Variants in SNTB2 observed in about 807,000 individuals in gnomAD.
SNTB2 encodes syntrophin beta 2.
Under a neutral mutation model 46.2 loss-of-function variants are expected in SNTB2, and 34 were observed. The observed-to-expected ratio is 0.74, with a 90% CI of 0.56 to 0.98. The LOEUF is 0.98. Ranked by LOEUF, SNTB2 falls within the 50% of genes least tolerant of loss-of-function variation. SNTB2 has a pLI of 0.00. For missense variants in SNTB2, 603 were observed against 731.4 expected (o/e 0.82, Z 2.02); for synonymous variants, 290 against 312.6 (o/e 0.93, Z 0.76).
chr16:69,255,031 C>T lies in SNTB2; in HGVS notation c.795-5019C>T, dbSNP rs62055853. ...TTGCATTCAATTAAATCTCACCAGG[C>T]CATTTCTGTCTTTATTGTAATTCAT... On this transcript the variant is annotated intron_variant, in intron 2 of 6. Transcript: ENST00000336278. Among the ~76,000 whole-genome samples, 318 of 152,108 alleles carry T rather than the reference C, an allele frequency of 2.1e-3. 2 individuals are homozygous for T. The highest frequency in any genetic ancestry group is 0.01 in the Middle Eastern group (3 of 294).
chr16:69,230,670 T>C (rs1964498164), intron 1 of SNTB2, among the ~76,000 whole-genome samples: 1 of 151,434 alleles, frequency 6.6e-6, no homozygotes, highest in Admixed American at 6.6e-5. Flanking sequence ...CGGGTTCATT[T>C]TTTCAAAAAG....
At chr16:69,239,894 G>T (rs1473832801) in intron 1 of SNTB2, among the ~76,000 whole-genome samples, 1 of 152,128 alleles carries the variant, frequency 6.6e-6, no homozygotes, top group Non-Finnish European at 1.5e-5. Context: ...CAATAATGGG[G>T]TCATACAACT....
intron 1 of SNTB2, among the ~76,000 whole-genome samples, chr16:69,236,055 A>T (rs1318456198): frequency 2.6e-5 from 4 of 152,192 alleles, no homozygotes; most frequent in African/African-American, 9.7e-5. Flanking sequence ...AATCAATATA[A>T]ATAAGGACAC....
rs750135144 is a variant in SNTB2, at chr16:69,187,691, C to T, written c.525C>T (p.Thr175=). 3 of 1,547,400 alleles carry T rather than the reference C, an allele frequency of 1.9e-6. No individual in the cohort carries two copies. The highest frequency in any genetic ancestry group is 2.6e-5 in the East Asian group (1 of 38,050). The stretch of plus-strand genomic sequence containing the variant: ...ACGGCACCGACCTGCGCCAGGCCAC[C>T]CACGACCAGGCCGTGCAGGCGCTGA... ...SVNGTDLRQA[T]HDQAVQALKR... The change falls in exon 1 of 7, where the codon ACC becomes ACT. Residue 175 remains threonine (T), a synonymous_variant. Coordinates refer to ENST00000336278, the MANE Select transcript of SNTB2 (RefSeq NM_006750.4).
intron 1 of SNTB2, among the ~76,000 whole-genome samples, chr16:69,216,308 T>A (rs1964346853): frequency 6.6e-6 from 1 of 152,192 alleles, no homozygotes; most frequent in Admixed American, 6.5e-5. Context: ...TCACAATTTT[T>A]AAAATTATTT....
chr16:69,279,816 C>T (rs1479116509), intron 4 of SNTB2, among the ~76,000 whole-genome samples: 1 of 147,594 alleles, frequency 6.8e-6, no homozygotes, highest in Non-Finnish European at 1.5e-5. Flanking sequence ...GTGTGAGCCA[C>T]CACGCCTGGC....
At chr16:69,300,160 G>A (rs1447633645) in intron 6 of SNTB2, among the ~76,000 whole-genome samples, 4 of 152,038 alleles carry the variant, frequency 2.6e-5, no homozygotes, top group East Asian at 1.9e-4. Flanking sequence ...GGCCTCCCAA[G>A]GTGTTGAGAT....
intron 1 of SNTB2, among the ~76,000 whole-genome samples, chr16:69,213,269 G>A (rs1437468152): frequency 1.3e-5 from 2 of 152,004 alleles, no homozygotes; most frequent in African/African-American, 4.8e-5. Context: ...TAGTAAAAGG[G>A]GTGATTTCAT....
In SNTB2 at chr16:69,284,239, C is replaced by G; in HGVS notation, c.1340C>G (p.Ser447Cys). 1 of 1,603,076 alleles carries G rather than the reference C, an allele frequency of 6.2e-7. No homozygotes were observed. The highest frequency in any genetic ancestry group is 8.5e-7 in the Non-Finnish European group (1 of 1,173,878). ...HAAAELIKEV[S>C]LGCMLNGQEV... ...GCTGCTGAGCTGATCAAGGAAGTCT[C>G]TCTAGGTAGAGATGCTGACTTTTTA... The change falls in exon 5 of 7, where the codon TCT becomes TGT. Residue 447 changes from serine to cysteine, a missense_variant. Around this residue, in one of 2 missense-constraint regions of SNTB2, gnomAD observed 537 missense variants for 692.4 expected, o/e 0.78. Coordinates refer to ENST00000336278, the MANE Select transcript of SNTB2 (RefSeq NM_006750.4).
Position 69,284,353 on chromosome 16 carries a change from G to C in SNTB2, c.1345+109G>C, listed in dbSNP as rs921475196. 4 of 806,790 alleles carry C rather than the reference G, an allele frequency of 5.0e-6. No individual in the cohort carries two copies. The African/African-American group carries it at 5.3e-5, about 11-fold the overall frequency. 50.0% of individuals were successfully genotyped at this position (806,790 alleles called of 1,614,324 possible). A position where few individuals can be genotyped will look rare whatever the true frequency, so the allele number is the denominator to read the frequency against. On this transcript the variant is annotated intron_variant, in intron 5 of 6. Transcript: ENST00000336278. ...GTGATGGATTGCATACATGACAGCA[G>C]TCCCCTCAGATTATACTACTATATT... is the stretch of plus-strand genomic sequence containing the variant.
chr16:69,275,729 C>G (rs1283626490), intron 4 of SNTB2, among the ~76,000 whole-genome samples: 1 of 152,080 alleles, frequency 6.6e-6, no homozygotes, highest in Non-Finnish European at 1.5e-5. Context: ...TTCCCTAATT[C>G]TATTGTTAAT....
chr16:69,253,875 G>C (rs1011004816), intron 2 of SNTB2, among the ~76,000 whole-genome samples: 4 of 152,152 alleles, frequency 2.6e-5, no homozygotes, highest in Admixed American at 6.5e-5. Flanking sequence ...GAATGTCTGA[G>C]AGATTGTCCT....
At chr16:69,198,084 A>G (rs1182994655) in intron 1 of SNTB2, among the ~76,000 whole-genome samples, 1 of 151,404 alleles carries the variant, frequency 6.6e-6, no homozygotes, top group Non-Finnish European at 1.5e-5. Context: ...GTCCTTTACA[A>G]TGTAACAGAG....
chr16:69,235,587 G>A (rs1487293818), intron 1 of SNTB2: 2 of 695,868 alleles, frequency 2.9e-6, no homozygotes, highest in African/African-American at 3.9e-5. Context: ...CAAAGTGGGG[G>A]AGGGGGGAAC....
At chr16:69,236,011 A>G (rs1367702010) in intron 1 of SNTB2, among the ~76,000 whole-genome samples, 1 of 152,224 alleles carries the variant, frequency 6.6e-6, no homozygotes, top group Admixed American at 6.5e-5. Context: ...GGAAATGGGT[A>G]TGATTTGGAC....
rs572335353 is a variant in SNTB2, at chr16:69,302,845, A to G, written c.*1921A>G. The stretch of plus-strand genomic sequence containing the variant: ...AGAGCTTTTTATGTTTTGAAAGTTC[A>G]TAAACCTAAGATTGGCTCCATCTGA... On this transcript the variant is annotated 3_prime_UTR_variant, in exon 7 of 7. Coordinates refer to ENST00000336278, the MANE Select transcript of SNTB2 (RefSeq NM_006750.4). 18 of 152,358 alleles carry G rather than the reference A, an allele frequency of 1.2e-4. No homozygotes were observed. The highest frequency in any genetic ancestry group is 4.1e-4 in the African/African-American group (17 of 41,592). The allele number at this position is 152,358 out of a possible 1,614,324, so 9.4% of individuals were successfully genotyped here.
intron 1 of SNTB2, among the ~76,000 whole-genome samples, chr16:69,196,694 C>T (rs1189123910): frequency 6.6e-6 from 1 of 151,970 alleles, no homozygotes; most frequent in Non-Finnish European, 1.5e-5. Context: ...TTTTAACAGC[C>T]CTGTGAGTCA....
In SNTB2 at chr16:69,270,288, A is replaced by G; in HGVS notation, c.1148+3A>G. 2 of 1,614,132 alleles carry G rather than the reference A, an allele frequency of 1.2e-6. No individual in the cohort carries two copies. Among genetic ancestry groups the G allele is most frequent in the Non-Finnish European group, 1.7e-6 (2 of 1,179,996 alleles). ...AGCTACCCACTTGTTGCCACCAGGT[A>G]AGTAAGACTAAAGATAAGGAAGTAA... On this transcript the variant is annotated splice_donor_region_variant and intron_variant, in intron 4 of 6. Transcript: ENST00000336278.
At chr16:69,288,735 A>G (rs545477009) in intron 5 of SNTB2, among the ~76,000 whole-genome samples, 2 of 152,302 alleles carry the variant, frequency 1.3e-5, no homozygotes, top group East Asian at 1.9e-4. Context: ...AGATACCTGC[A>G]CCTCCATGTT....
Sources: allele counts gnomAD v4.1 joint callset (sites outside exome capture counted in the v4.1 genomes callset), GRCh38; gene constraint gnomAD v4.1.1; regional missense constraint gnomAD v4.1.1; transcripts MANE v1.5; gene names NCBI Gene and HGNC (gene_info 2026-07-23, HGNC 2026-07-21).